The following ADGRD1 variants were observed in gnomAD, a reference collection of about 807,000 sequenced individuals.
ADGRD1 encodes the protein adhesion G protein-coupled receptor D1.
ADGRD1 carries 77 observed loss-of-function variants against 113.4 expected under a neutral mutation model. The ratio of observed to expected loss-of-function variants is 0.68; its 90% confidence interval spans 0.57 to 0.82. The LOEUF (loss-of-function observed/expected upper bound fraction) is 0.82, where lower values mean the gene tolerates loss of function less well. Among genes scored for constraint, ADGRD1 ranks in the 40% least tolerant of loss-of-function variants. The pLI is 0.00. For synonymous variants in ADGRD1, 474 were observed against 475.0 expected (o/e 1.00, Z 0.03); for missense variants, 1,036 against 1,139.1 (o/e 0.91, Z 1.30).
chr12:131,130,628 T>G (rs1446466472), intron 20 of ADGRD1, among the ~76,000 whole-genome samples: 1 of 152,044 alleles, frequency 6.6e-6, no homozygotes, highest in Non-Finnish European at 1.5e-5. Flanking sequence ...GCCCCTAGGG[T>G]GAGGCGGGCT....
chr12:130,971,507 G>A lies in ADGRD1; in HGVS notation c.237G>A (p.Lys79=). 6.2e-7 allele frequency: 1 copy of A among 1,613,708 alleles called. No individual in the cohort carries two copies. Among genetic ancestry groups the A allele is most frequent in the East Asian group, 2.2e-5 (1 of 44,872 alleles). ...AAGGCATTTACCTGAAAGAGGAAAA[G>A]GGAGTCACGCTTCTCTATTACGGCA... ...VNKGIYLKEE[K]GVTLLYYGRY... is the part of the protein sequence containing the mutation. Residue 79 remains lysine (K), a synonymous_variant, in exon 4 of 25, where the codon AAG becomes AAA. Transcript: ENST00000261654. This position sits in a 1 kb window ranked among gnomAD's most constrained non-coding sequence, Gnocchi z 4.2.
In ADGRD1 at chr12:130,954,682, T is replaced by A; in HGVS notation, c.103+22T>A. 2 of 1,609,196 alleles carry A rather than the reference T, an allele frequency of 1.2e-6. No individual in the cohort carries two copies. Among genetic ancestry groups the A allele is most frequent in the East Asian group, 2.2e-5 (1 of 44,864 alleles). The stretch of plus-strand genomic sequence containing the variant: ...CCAGGTAAGAGTGTTTCCTTCTCAC[T>A]CTGAGCACCGCTCTCCCCCTGCCTA... On this transcript the variant is annotated intron_variant, in intron 2 of 24. Coordinates refer to ENST00000261654, the MANE Select transcript of ADGRD1 (RefSeq NM_198827.5). This position sits in a 1 kb window ranked among gnomAD's most constrained non-coding sequence, Gnocchi z 4.7.
chr12:131,058,418 G>A (rs1017192020), intron 13 of ADGRD1, among the ~76,000 whole-genome samples: 3 of 152,170 alleles, frequency 2.0e-5, no homozygotes, highest in Non-Finnish European at 4.4e-5. Flanking sequence ...GCTGAGCAAG[G>A]TACCACCGTA....
At chr12:131,034,088 T>G (rs565921413) in intron 13 of ADGRD1, among the ~76,000 whole-genome samples, 1 of 152,008 alleles carries the variant, frequency 6.6e-6, no homozygotes, top group Non-Finnish European at 1.5e-5. Context: ...GCAGCCAGAG[T>G]AATATTCGAC....
At chr12:130,969,144 G>C (rs1871331233) in intron 3 of ADGRD1, 1 of 842,072 alleles carries the variant, frequency 1.2e-6, no homozygotes, top group African/African-American at 1.7e-5. Context: ...GGCCAATTCT[G>C]TTTGGTAGTA....
chr12:131,004,250 C>A lies in ADGRD1; in HGVS notation c.1209C>A (p.His403Gln), dbSNP rs555761955. The A allele has an allele frequency of 1.2e-6, 2 of 1,613,970 alleles. No homozygotes were observed. The highest frequency in any genetic ancestry group is 1.7e-6 in the Non-Finnish European group (2 of 1,179,956). The change falls in exon 11 of 25, where the codon CAC (histidine) becomes CAA (glutamine). Residue 403 changes from histidine to glutamine, a missense_variant. Transcript: ENST00000261654. ...CCTCCCATTACCGCTTCCCGGCCCA[C>A]GGGCAGAGCTTCATCCAGATCCCCC... ...VNSSHYRFPA[H>Q]GQSFIQIPHE...
At chr12:131,014,590 C>T (rs1878343392) in intron 13 of ADGRD1, among the ~76,000 whole-genome samples, 1 of 152,152 alleles carries the variant, frequency 6.6e-6, no homozygotes, top group Non-Finnish European at 1.5e-5. Context: ...GGTGGCTCTC[C>T]TAGACGTGTG....
At chr12:131,064,205 T>C (rs1884547456) in intron 13 of ADGRD1, among the ~76,000 whole-genome samples, 1 of 152,252 alleles carries the variant, frequency 6.6e-6, no homozygotes, top group Non-Finnish European at 1.5e-5. Flanking sequence ...TCAGTACTAT[T>C]TGAACAACAG....
At chr12:131,000,673 G>A (rs769237940) in intron 9 of ADGRD1, among the ~76,000 whole-genome samples, 5 of 151,380 alleles carry the variant, frequency 3.3e-5, no homozygotes, top group South Asian at 2.1e-4. Flanking sequence ...CCTGGGAGGC[G>A]GAGGTTGCAG....
At chr12:131,119,412 G>C (rs184059381) in intron 19 of ADGRD1, among the ~76,000 whole-genome samples, 4 of 152,220 alleles carry the variant, frequency 2.6e-5, no homozygotes, top group African/African-American at 9.6e-5. Flanking sequence ...GTTAGAAGTT[G>C]AGGGACTAAT....
chr12:131,004,023 C>CTTTTTTTT (rs56871865), intron 10 of ADGRD1, among the ~76,000 whole-genome samples, 163 bp from the exon 11 acceptor site: 1 of 139,030 alleles, frequency 7.2e-6, no homozygotes, highest in Non-Finnish European at 1.6e-5. Flanking sequence ...TTGCTTTACC[C>CTTTTTTTT]TTTTTTTTTT....
intron 4 of ADGRD1, among the ~76,000 whole-genome samples, chr12:130,980,087 G>A (rs1872764931): frequency 6.6e-6 from 1 of 152,024 alleles, no homozygotes; most frequent in Admixed American, 6.5e-5. Context: ...GCATGCTCAG[G>A]AGCTGGGCTT....
chr12:131,059,585 T>C (rs958705829), intron 13 of ADGRD1, among the ~76,000 whole-genome samples: 3 of 152,210 alleles, frequency 2.0e-5, no homozygotes, highest in Non-Finnish European at 4.4e-5. Flanking sequence ...AAATCTGAAA[T>C]CTGAAATGCT....
Position 131,084,508 on chromosome 12 carries a change from A to T in ADGRD1, c.1548-32A>T, listed in dbSNP as rs1448726177. On this transcript the variant is annotated intron_variant, in intron 14 of 24. Transcript: ENST00000261654. This position sits in a 1 kb window ranked among gnomAD's most constrained non-coding sequence, Gnocchi z 4.5. ...CCCTGCCTGCCAAGGGTGCGGTGCT[A>T]CCTCCTCTGATCCTTTCTCCTGTGT... 1 of 1,613,234 alleles carries T rather than the reference A, an allele frequency of 6.2e-7. No individual in the cohort carries two copies. Among genetic ancestry groups the T allele is most frequent in the African/African-American group, 1.3e-5 (1 of 74,784 alleles).
chr12:131,003,624 G>A lies in ADGRD1; in HGVS notation c.1144+322G>A, dbSNP rs913296964. On this transcript the variant is annotated intron_variant, in intron 10 of 24. Transcript: ENST00000261654. This position sits in a 1 kb window ranked among gnomAD's most constrained non-coding sequence, Gnocchi z 4.8. The stretch of plus-strand genomic sequence containing the variant: ...TCTGTGGAATAAAAGGGGTGGCCTC[G>A]GGTTTCTGGCGTCAGCTTGCTCTCA... Among the ~76,000 whole-genome samples the A allele has an allele frequency of 1.3e-5, 2 of 152,194 alleles. No individual in the cohort carries two copies. Among genetic ancestry groups the A allele is most frequent in the Admixed American group, 6.5e-5 (1 of 15,282 alleles).
chr12:131,047,375 T>C (rs2137024492), intron 13 of ADGRD1, among the ~76,000 whole-genome samples: 1 of 152,210 alleles, frequency 6.6e-6, no homozygotes, highest in African/African-American at 2.4e-5. Context: ...GCCTGGACAA[T>C]GGGGGGACAG....
At position 131,076,836 on chromosome 12, in the gene ADGRD1, C is replaced by T; in HGVS notation, c.1509C>T (p.Ser503=). 1 of 1,614,170 alleles carries T rather than the reference C, an allele frequency of 6.2e-7. No individual in the cohort carries two copies. Among genetic ancestry groups the T allele is most frequent in the Non-Finnish European group, 8.5e-7 (1 of 1,179,986 alleles). Residue 503 remains serine, a synonymous_variant, in exon 14 of 25, where the codon AGC becomes AGT. Transcript: ENST00000261654. ...AGCACAGTGAGGCCACCAACAGCAG[C>T]AACCGAGTCTTCGTGTACTGCGCCT... ...RKQHSEATNS[S]NRVFVYCAFL... is the part of the protein sequence containing the mutation.
chr12:130,974,055 CT>C (rs1384837072), intron 4 of ADGRD1, among the ~76,000 whole-genome samples: 3 of 152,202 alleles, frequency 2.0e-5, no homozygotes, highest in African/African-American at 2.4e-5. Context: ...CTGTGCCCCC[CT>C]GGGTCTTGAG....
At chr12:130,986,549 T>A (rs61509673) in intron 5 of ADGRD1, among the ~76,000 whole-genome samples, 4,582 of 152,308 alleles carry the variant, frequency 0.03, 200 homozygotes, top group African/African-American at 0.1. Flanking sequence ...TGTTGTTGAT[T>A]CTTTTGGATT....
Sources: allele counts gnomAD v4.1 joint callset (sites outside exome capture counted in the v4.1 genomes callset), GRCh38; gene constraint gnomAD v4.1.1; non-coding constraint Gnocchi (gnomAD v3.1); transcripts MANE v1.5; gene names NCBI Gene and HGNC (gene_info 2026-07-23, HGNC 2026-07-21).